RABGAP1L: variants seen among roughly 807,000 people sequenced by gnomAD.
RABGAP1L encodes RAB GTPase activating protein 1 like, also known as rab GTPase-activating protein 1-like.
Under a neutral mutation model 137.7 loss-of-function variants are expected in RABGAP1L, and 63 were observed. That is an observed-to-expected ratio of 0.46 (90% CI 0.37 to 0.56). The LOEUF is 0.56. RABGAP1L is among the 20% of genes least tolerant of loss of function. The probability of loss-of-function intolerance (pLI) is 0.00; values close to 1 mark genes in which losing one functional copy is unlikely to be tolerated. For missense variants in RABGAP1L, 1,095 were observed against 1,244.0 expected (o/e 0.88, Z 1.80); for synonymous variants, 431 against 433.7 (o/e 0.99, Z 0.08).
intron 17 of RABGAP1L, among the ~76,000 whole-genome samples, chr1:174,736,567 A>G (rs944000900): frequency 6.6e-6 from 1 of 152,224 alleles, no homozygotes; most frequent in Non-Finnish European, 1.5e-5. Context: ...TTCACTAGGC[A>G]GTGCCCTGGT....
At position 174,231,338 on chromosome 1, in the gene RABGAP1L, T is replaced by C. The variant is rs376043803; in HGVS notation, c.525T>C (p.Val175=). Residue 175 remains valine (V), a synonymous_variant, in exon 4 of 26, where the codon GTT becomes GTC. Transcript: ENST00000681986. ...CTGTTACCCTGTATGTACCAAATGT[T>C]CCAGAAGGTTCTGTGAGGTAAGCTC... is the stretch of plus-strand genomic sequence containing the variant. The part of the protein sequence containing the change: ...PFPVTLYVPN[V]PEGSVRIIDQ... 15 of 1,613,840 alleles carry C rather than the reference T, an allele frequency of 9.3e-6. No homozygotes were observed. Among genetic ancestry groups the C allele is most frequent in the African/African-American group, 1.3e-5 (1 of 74,934 alleles).
chr1:174,806,119 CT>C (rs1359289625), intron 18 of RABGAP1L, among the ~76,000 whole-genome samples: 3 of 152,154 alleles, frequency 2.0e-5, no homozygotes, highest in African/African-American at 7.2e-5. Context: ...CCAGCACAAC[CT>C]ATTTTGGGTA....
At chr1:174,903,864 C>G (rs1182691641) in intron 19 of RABGAP1L, among the ~76,000 whole-genome samples, 1 of 151,420 alleles carries the variant, frequency 6.6e-6, no homozygotes, top group Non-Finnish European at 1.5e-5. Flanking sequence ...GCAGGAGAAT[C>G]GCTTGAAGCC....
At chr1:174,757,685 G>A (rs1030972281) in intron 18 of RABGAP1L, among the ~76,000 whole-genome samples, 1 of 151,680 alleles carries the variant, frequency 6.6e-6, no homozygotes, top group Non-Finnish European at 1.5e-5. Context: ...TTTTTGGGGA[G>A]AATATCCAGT....
chr1:174,916,498 G>A (rs1433230452), intron 19 of RABGAP1L, among the ~76,000 whole-genome samples: 1 of 152,094 alleles, frequency 6.6e-6, no homozygotes, highest in Non-Finnish European at 1.5e-5. Flanking sequence ...AGGGGAAAAG[G>A]GCCAAAAGGG....
At chr1:174,909,660 T>C (rs933700698) in intron 19 of RABGAP1L, among the ~76,000 whole-genome samples, 2 of 152,022 alleles carry the variant, frequency 1.3e-5, no homozygotes, top group African/African-American at 4.8e-5. Context: ...GAGAAAAAAA[T>C]AGAGAAGACC....
intron 19 of RABGAP1L, among the ~76,000 whole-genome samples, chr1:174,851,675 GCTT>G: frequency 6.6e-6 from 1 of 150,490 alleles, no homozygotes; most frequent in Non-Finnish European, 1.5e-5. Flanking sequence ...ACCATGCACA[GCTT>G]TTTTTTTTTT....
intron 1 of RABGAP1L, among the ~76,000 whole-genome samples, chr1:174,195,803 T>C (rs1453349438): frequency 8.2e-6 from 1 of 122,244 alleles, no homozygotes; most frequent in Non-Finnish European, 1.9e-5. Context: ...CTTTCTTTCT[T>C]TCTTTCTATC....
intron 11 of RABGAP1L, among the ~76,000 whole-genome samples, chr1:174,337,941 A>G (rs1681623960): frequency 6.6e-6 from 1 of 152,216 alleles, no homozygotes; most frequent in Non-Finnish European, 1.5e-5. Context: ...AGTTTAAATC[A>G]TTACAGAAGT....
At chr1:174,597,044 C>G (rs941415499) in intron 13 of RABGAP1L, among the ~76,000 whole-genome samples, 1 of 152,040 alleles carries the variant, frequency 6.6e-6, no homozygotes, top group Admixed American at 6.5e-5. Context: ...GTTGAACCAT[C>G]CTTACATCCT....
rs572979184 is a variant in RABGAP1L, at chr1:174,613,306, T to G, written c.1711-24069T>G. Among the ~76,000 whole-genome samples the G allele has an allele frequency of 7.2e-5, 11 of 152,312 alleles. No homozygotes were observed. The East Asian group carries it at 1.7e-3, about 24-fold the overall frequency. On this transcript the variant is annotated intron_variant, in intron 13 of 25. Coordinates refer to ENST00000681986, the MANE Select transcript of RABGAP1L (RefSeq NM_001366446.1). ...TACATCTTTATTTCTGCCTTCATTT[T>G]GTTATGTACCCAGTAGTCATTCAGG... is the stretch of plus-strand genomic sequence containing the variant.
chr1:174,339,796 G>A (rs1222654756), intron 11 of RABGAP1L, among the ~76,000 whole-genome samples: 1 of 151,868 alleles, frequency 6.6e-6, no homozygotes, highest in African/African-American at 2.4e-5. Flanking sequence ...TAGTAGAGAT[G>A]GGGTTTTGCT....
intron 17 of RABGAP1L, among the ~76,000 whole-genome samples, chr1:174,727,437 A>T (rs1412073445): frequency 6.6e-6 from 1 of 152,178 alleles, no homozygotes; most frequent in Non-Finnish European, 1.5e-5. Flanking sequence ...TGCACATCTA[A>T]CTTTTACTTA....
intron 11 of RABGAP1L, among the ~76,000 whole-genome samples, chr1:174,316,820 T>G (rs1183577177): frequency 2.6e-5 from 4 of 152,132 alleles, no homozygotes. Flanking sequence ...CTACCTGTTG[T>G]TCTGTCATAC....
intron 19 of RABGAP1L, among the ~76,000 whole-genome samples, chr1:174,907,432 C>T (rs996810018): frequency 2.0e-5 from 3 of 152,092 alleles, no homozygotes; most frequent in African/African-American, 4.8e-5. Context: ...CCCACCTCAG[C>T]CTCCCAAGTA....
intron 11 of RABGAP1L, among the ~76,000 whole-genome samples, chr1:174,307,004 CTAA>C (rs1019905720): frequency 6.6e-6 from 1 of 151,990 alleles, no homozygotes; most frequent in African/African-American, 2.4e-5. Context: ...TTATTTTTAG[CTAA>C]TATTTATTTA....
intron 11 of RABGAP1L, among the ~76,000 whole-genome samples, chr1:174,349,754 C>A (rs1420279567): frequency 7.2e-6 from 1 of 139,640 alleles, no homozygotes; most frequent in Non-Finnish European, 1.6e-5. Context: ...ACCTCCCTCC[C>A]AGACGGGGCG....
intron 13 of RABGAP1L, among the ~76,000 whole-genome samples, chr1:174,515,148 A>T (rs144266183): frequency 1.3e-5 from 2 of 152,268 alleles, no homozygotes; most frequent in East Asian, 3.9e-4. Context: ...GGTTTTGTAC[A>T]ACAGATCTCT....
At chr1:174,588,701 A>G (rs1669319096) in intron 13 of RABGAP1L, among the ~76,000 whole-genome samples, 1 of 151,882 alleles carries the variant, frequency 6.6e-6, no homozygotes, top group South Asian at 2.1e-4. Flanking sequence ...GAGTGAGAAG[A>G]TTGTCTTTTT....
Sources: gnomAD v4.1 joint callset for allele counts (sites outside exome capture counted in the v4.1 genomes callset) on GRCh38, gnomAD v4.1.1 for gene constraint, MANE v1.5 for transcripts, NCBI Gene and HGNC (gene_info 2026-07-23, HGNC 2026-07-21) for gene names.